FLT1: variants seen among roughly 807,000 people sequenced by gnomAD.
The protein encoded by FLT1 is fms related receptor tyrosine kinase 1.
A neutral mutation model predicts 156.3 loss-of-function variants in FLT1; 49 were observed. That is an observed-to-expected ratio of 0.31 (90% CI 0.25 to 0.40). The LOEUF (loss-of-function observed/expected upper bound fraction) is 0.40, where lower values mean the gene tolerates loss of function less well. Ranked by LOEUF, FLT1 falls within the 10% of genes least tolerant of loss-of-function variation. The probability of loss-of-function intolerance (pLI) is 1.00; values close to 1 mark genes in which losing one functional copy is unlikely to be tolerated. For synonymous variants in FLT1, 594 were observed against 583.8 expected (o/e 1.02, Z -0.25); for missense variants, 1,322 against 1,637.2 (o/e 0.81, Z 3.32).
intron 14 of FLT1, among the ~76,000 whole-genome samples, chr13:28,376,007 C>T (rs1197539647): frequency 1.3e-5 from 2 of 152,192 alleles, no homozygotes; most frequent in African/African-American, 2.4e-5. Flanking sequence ...GTAGCCTGAG[C>T]GTGACAGATG....
In FLT1 at chr13:28,306,762, C is replaced by T. The variant is rs1315888360; in HGVS notation, c.3731G>A (p.Gly1244Asp). ...AGAGGCCAACAGAGTGCTGCTGTCG[C>T]CCTGGTAGTCCTAGGGGGAGAAGGA... ...NATSMFDDYQGDSSTLLASPM... is the reference protein window; with the variant it reads ...NATSMFDDYQDDSSTLLASPM... Residue 1244 changes from glycine (G) to aspartate (D), a missense_variant, in exon 29 of 30, where the codon GGC becomes GAC. Gly to Asp is a moderately conservative substitution (Grantham distance 94). This residue lies in a region of FLT1 where 329 missense variants were observed against 366.2 expected (regional missense o/e 0.90). Coordinates refer to ENST00000282397, the MANE Select transcript of FLT1 (RefSeq NM_002019.4). 1.9e-6 allele frequency: 3 copies of T among 1,612,430 alleles called. No homozygotes were observed. The highest frequency in any genetic ancestry group is 2.5e-6 in the Non-Finnish European group (3 of 1,178,720).
Position 28,322,351 on chromosome 13 carries a change from C to T in FLT1, c.2962G>A (p.Gly988Ser), listed in dbSNP as rs376257265. 9.3e-6 allele frequency: 15 copies of T among 1,609,030 alleles called. No homozygotes were observed. The African/African-American group carries it at 1.5e-4, about 16-fold the overall frequency. Residue 988 changes from glycine (G) to serine (S), a missense_variant, in exon 22 of 30, where the codon GGT becomes AGT. By Grantham distance (56) the Gly-to-Ser change is moderately conservative. This residue lies in a region of FLT1 where 991 missense variants were observed against 1,254.8 expected (regional missense o/e 0.79). Coordinates refer to ENST00000282397, the MANE Select transcript of FLT1 (RefSeq NM_002019.4). This position sits in a 1 kb window ranked among gnomAD's most constrained non-coding sequence, Gnocchi z 4.3. ...ATAGTGATGGGCTCCTTGTAGAAAC[C>T]GTCAGAATCTGGAAAGCATTAGAAC... is the stretch of plus-strand genomic sequence containing the variant. ...SDVEEEEDSD[G>S]FYKEPITMED...
chr13:28,470,508 C>T (rs189802084), intron 1 of FLT1, among the ~76,000 whole-genome samples: 4 of 152,160 alleles, frequency 2.6e-5, no homozygotes, highest in East Asian at 1.9e-4. Context: ...TGAGCGCTCC[C>T]GTCCAGGAAA....
rs1370971568 is a variant in FLT1, at chr13:28,378,448, C to T, written c.2116+6437G>A. Among the ~76,000 whole-genome samples the T allele has an allele frequency of 2.0e-5, 3 of 152,152 alleles. No homozygotes were observed. In the East Asian group the frequency reaches 5.8e-4, roughly 29 times the overall value. ...CATTTAAAACTGATGCTCATTTGTT[C>T]TCTTGTGAGTGAGGTGAGCTAACAT... On this transcript the variant is annotated intron_variant, in intron 14 of 29. Transcript: ENST00000282397.
rs902989544 is a variant in FLT1 at position 28,375,399 on chromosome 13, T to G, written c.2116+9486A>C. On this transcript the variant is annotated intron_variant, in intron 14 of 29. Coordinates refer to ENST00000282397, the MANE Select transcript of FLT1 (RefSeq NM_002019.4). ...GCAACATTTTCAATTTTTTTTTTTTTGCCATGATAGGGCTGTGTTAAAGTC... is the reference window on the plus strand; with the variant it reads ...GCAACATTTTCAATTTTTTTTTTTTGGCCATGATAGGGCTGTGTTAAAGTC... Among the ~76,000 whole-genome samples, 71 of 140,064 alleles carry G rather than the reference T, an allele frequency of 5.1e-4. 1 individual carries two copies. The highest frequency in any genetic ancestry group is 2.4e-4 in the Non-Finnish European group (15 of 63,718). The allele number at this position is 140,064 out of a possible 152,430, so 91.9% of individuals were successfully genotyped here. A position where few individuals can be genotyped will look rare whatever the true frequency, so the allele number is the denominator to read the frequency against.
chr13:28,421,865 C>G (rs1235121701), intron 10 of FLT1, among the ~76,000 whole-genome samples: 3 of 152,134 alleles, frequency 2.0e-5, no homozygotes, highest in Non-Finnish European at 2.9e-5. Flanking sequence ...TTGCCATTTA[C>G]AGAAGGGGAA....
At chr13:28,420,594 C>T (rs1342790307) in intron 10 of FLT1, among the ~76,000 whole-genome samples, 1 of 152,070 alleles carries the variant, frequency 6.6e-6, no homozygotes, top group Non-Finnish European at 1.5e-5. Context: ...TACATTTTGC[C>T]CCCAGGAAAT....
intron 3 of FLT1, among the ~76,000 whole-genome samples, chr13:28,450,102 G>C (rs1244297117): frequency 6.6e-6 from 1 of 152,150 alleles, no homozygotes; most frequent in African/African-American, 2.4e-5. Flanking sequence ...AGCAAGAAAG[G>C]TGAAATCAGG....
At chr13:28,393,562 T>C (rs1270930414) in intron 12 of FLT1, among the ~76,000 whole-genome samples, 2 of 152,046 alleles carry the variant, frequency 1.3e-5, no homozygotes, top group Non-Finnish European at 2.9e-5. Flanking sequence ...GGAAGGCAAC[T>C]CAAAAAAATT....
chr13:28,308,977 CTAA>C, intron 27 of FLT1, 50 bp from the exon 28 acceptor site: 1 of 1,107,998 alleles, frequency 9.0e-7, no homozygotes, highest in South Asian at 1.2e-5. Flanking sequence ...GCATCCAGCT[CTAA>C]TGAGTCAGGA....
At chr13:28,310,097 C>T (rs1312982431) in intron 27 of FLT1, among the ~76,000 whole-genome samples, 2 of 152,168 alleles carry the variant, frequency 1.3e-5, no homozygotes, top group East Asian at 3.9e-4. Flanking sequence ...ACCATGTTGG[C>T]CAGGCTGGTC....
intron 25 of FLT1, among the ~76,000 whole-genome samples, chr13:28,313,461 C>CTCT (rs1305558011): frequency 6.6e-6 from 1 of 152,126 alleles, no homozygotes; most frequent in Non-Finnish European, 1.5e-5. Context: ...TATATGTTAA[C>CTCT]TCTTCTCTCA....
chr13:28,401,588 T>G (rs556295301), intron 11 of FLT1, among the ~76,000 whole-genome samples: 2 of 152,360 alleles, frequency 1.3e-5, no homozygotes, highest in African/African-American at 4.8e-5. Flanking sequence ...ACACTGATTT[T>G]AATCTCGGGA....
At chr13:28,428,671 T>C (rs1242173240) in intron 8 of FLT1, among the ~76,000 whole-genome samples, 1 of 152,220 alleles carries the variant, frequency 6.6e-6, no homozygotes, top group Non-Finnish European at 1.5e-5. Flanking sequence ...TCAAATTTTC[T>C]AGAGGTTCTC....
intron 8 of FLT1, among the ~76,000 whole-genome samples, chr13:28,428,589 G>C (rs1468218534): frequency 6.6e-6 from 1 of 152,192 alleles, no homozygotes; most frequent in Non-Finnish European, 1.5e-5. Context: ...AGAGGCTTGG[G>C]TGCTTGACCT....
intron 10 of FLT1, among the ~76,000 whole-genome samples, chr13:28,421,428 AATGAGCATGCCTTC>A (rs1876990218): frequency 6.6e-6 from 1 of 152,204 alleles, no homozygotes; most frequent in African/African-American, 2.4e-5. Context: ...CTGGGCAGAG[AATGAGCATGCCTTC>A]ATTTGTTTGG....
chr13:28,463,612 T>A (rs752650967), intron 3 of FLT1, among the ~76,000 whole-genome samples: 1 of 152,194 alleles, frequency 6.6e-6, no homozygotes, highest in Non-Finnish European at 1.5e-5. Flanking sequence ...AATAAATACA[T>A]GATAACCAAG....
chr13:28,313,908 A>AGAG (rs10591691), intron 25 of FLT1, among the ~76,000 whole-genome samples: 96,820 of 143,558 alleles, frequency 0.67, 35,493 homozygotes, highest in East Asian at 0.91. Flanking sequence ...AAAAAAAAAA[A>AGAG]AGAAGAATCC....
rs1433837792 is a variant in FLT1, at chr13:28,433,853, G to A, written c.779C>T (p.Thr260Met). 7 of 1,613,728 alleles carry A rather than the reference G, an allele frequency of 4.3e-6. No homozygotes were observed. Among genetic ancestry groups the A allele is most frequent in the Non-Finnish European group, 5.9e-6 (7 of 1,179,628 alleles). ...LNCTATTPLN[T>M]RVQMTWSYPD... The stretch of plus-strand genomic sequence containing the variant: ...GTAACTCCAGGTCATTTGAACTCTC[G>A]TGTTCAAGGGAGTGGTAGCAGTACA... The change falls in exon 6 of 30, where the codon ACG becomes ATG. Residue 260 changes from threonine to methionine, a missense_variant. By Grantham distance (81) the Thr-to-Met change is moderately conservative. This residue lies in a region of FLT1 where 991 missense variants were observed against 1,254.8 expected (regional missense o/e 0.79). Transcript: ENST00000282397.
Sources: allele counts gnomAD v4.1 joint callset (sites outside exome capture counted in the v4.1 genomes callset), GRCh38; gene constraint gnomAD v4.1.1; regional missense constraint gnomAD v4.1.1; non-coding constraint Gnocchi (gnomAD v3.1); transcripts MANE v1.5; gene names NCBI Gene and HGNC (gene_info 2026-07-23, HGNC 2026-07-21).